Variants in MOB3B observed in about 807,000 individuals in gnomAD.
The protein encoded by MOB3B is MOB kinase activator 3B, also known as MOB kinase activator-like 2B.
In MOB3B, 7 loss-of-function variants were observed where a neutral mutation model predicts 18.7. That is an observed-to-expected ratio of 0.37 (90% CI 0.21 to 0.70). The LOEUF (loss-of-function observed/expected upper bound fraction) is 0.70, where lower values mean the gene tolerates loss of function less well. MOB3B is among the 30% of genes least tolerant of loss of function. The pLI, the probability that MOB3B is intolerant of heterozygous loss-of-function variation, is 0.52. For synonymous variants in MOB3B, 111 were observed against 99.9 expected (o/e 1.11, Z -0.66); for missense variants, 253 against 281.3 (o/e 0.90, Z 0.72).
At chr9:27,365,945 C>G (rs1821337342) in intron 2 of MOB3B, among the ~76,000 whole-genome samples, 1 of 152,188 alleles carries the variant, frequency 6.6e-6, no homozygotes, top group African/African-American at 2.4e-5. Context: ...AGGCCAGAAT[C>G]CAAACCAATC....
intron 2 of MOB3B, among the ~76,000 whole-genome samples, chr9:27,408,819 G>C (rs1490255962): frequency 6.6e-6 from 1 of 152,096 alleles, no homozygotes; most frequent in African/African-American, 2.4e-5. Context: ...CTTCCTTCCT[G>C]CTACAAAGCT....
chr9:27,498,084 T>C (rs1404148819), intron 1 of MOB3B, among the ~76,000 whole-genome samples: 1 of 152,096 alleles, frequency 6.6e-6, no homozygotes, highest in African/African-American at 2.4e-5. Context: ...CTCCCTGCAC[T>C]GTCACTTCCC....
At chr9:27,370,171 G>A (rs1323806795) in intron 2 of MOB3B, among the ~76,000 whole-genome samples, 6 of 152,046 alleles carry the variant, frequency 3.9e-5, no homozygotes, top group African/African-American at 1.4e-4. Flanking sequence ...AGGTGATTAG[G>A]TCATGAAGGC....
chr9:27,493,806 G>A (rs1587255761), intron 1 of MOB3B, among the ~76,000 whole-genome samples: 2 of 152,216 alleles, frequency 1.3e-5, no homozygotes, highest in East Asian at 3.9e-4. Flanking sequence ...TACAGCATGT[G>A]TGTTTGAGCA....
chr9:27,382,087 G>C (rs6475992), intron 2 of MOB3B, among the ~76,000 whole-genome samples: 87 of 152,024 alleles, frequency 5.7e-4, no homozygotes, highest in African/African-American at 1.9e-3. Flanking sequence ...ACATTATTTC[G>C]TCTAAGTGTC....
intron 2 of MOB3B, among the ~76,000 whole-genome samples, chr9:27,388,519 T>C (rs1441185155): frequency 6.6e-6 from 1 of 152,132 alleles, no homozygotes; most frequent in Non-Finnish European, 1.5e-5. Context: ...GTTACATGAA[T>C]AAATTCTTCA....
At chr9:27,340,383 T>C (rs1820921780) in intron 3 of MOB3B, among the ~76,000 whole-genome samples, 1 of 152,036 alleles carries the variant, frequency 6.6e-6, no homozygotes, top group Admixed American at 6.5e-5. Context: ...TGTAAACATA[T>C]TCAGCCTCCT....
intron 1 of MOB3B, among the ~76,000 whole-genome samples, chr9:27,461,232 G>A (rs576371565): frequency 6.6e-6 from 1 of 152,240 alleles, no homozygotes; most frequent in Admixed American, 6.5e-5. Context: ...ATTTTAGAGG[G>A]GTGTATGTAT....
intron 2 of MOB3B, among the ~76,000 whole-genome samples, chr9:27,391,428 A>G (rs1353983070): frequency 2.6e-5 from 4 of 152,194 alleles, no homozygotes; most frequent in Non-Finnish European, 5.9e-5. Flanking sequence ...TCCTGGATAA[A>G]CTGATTCACC....
intron 1 of MOB3B, among the ~76,000 whole-genome samples, chr9:27,465,722 T>C (rs945733650): frequency 2.0e-5 from 3 of 152,208 alleles, no homozygotes. Flanking sequence ...CAAACCTCAA[T>C]TCTTGACTTC....
At chr9:27,348,735 G>T (rs1821066267) in intron 3 of MOB3B, among the ~76,000 whole-genome samples, 1 of 152,094 alleles carries the variant, frequency 6.6e-6, no homozygotes, top group East Asian at 1.9e-4. Context: ...TACTTCTAAT[G>T]AATGGAAAGT....
At chr9:27,387,942 G>T (rs1040296822) in intron 2 of MOB3B, among the ~76,000 whole-genome samples, 1 of 151,680 alleles carries the variant, frequency 6.6e-6, no homozygotes, top group Non-Finnish European at 1.5e-5. Flanking sequence ...AAATGATTTT[G>T]CCCCCCACAG....
chr9:27,404,951 C>T (rs1301735427), intron 2 of MOB3B, among the ~76,000 whole-genome samples: 1 of 152,016 alleles, frequency 6.6e-6, no homozygotes, highest in African/African-American at 2.4e-5. Flanking sequence ...TGGATAAAAG[C>T]CATTTTAATT....
At chr9:27,426,850 T>C (rs1471482895) in intron 2 of MOB3B, among the ~76,000 whole-genome samples, 2 of 152,146 alleles carry the variant, frequency 1.3e-5, no homozygotes. Flanking sequence ...TCCACCCCCA[T>C]GTGCTTAAAA....
At chr9:27,362,408 T>C (rs1821285922) in intron 2 of MOB3B, among the ~76,000 whole-genome samples, 1 of 152,140 alleles carries the variant, frequency 6.6e-6, no homozygotes, top group Non-Finnish European at 1.5e-5. Flanking sequence ...CTTTGTAGTG[T>C]TTTTATTAGT....
At chr9:27,332,255 T>C (rs1455998532) in intron 3 of MOB3B, among the ~76,000 whole-genome samples, 1 of 152,224 alleles carries the variant, frequency 6.6e-6, no homozygotes, top group Non-Finnish European at 1.5e-5. Context: ...CCTCCCAAAG[T>C]GCTGGGATTA....
chr9:27,499,984 A>T (rs1308081638), intron 1 of MOB3B, among the ~76,000 whole-genome samples: 1 of 152,216 alleles, frequency 6.6e-6, no homozygotes, highest in Non-Finnish European at 1.5e-5. Flanking sequence ...AGTCTTATAC[A>T]AAGTCGGTCT....
intron 2 of MOB3B, among the ~76,000 whole-genome samples, chr9:27,449,225 CTGA>C (rs1822745121): frequency 6.6e-6 from 1 of 152,178 alleles, no homozygotes; most frequent in African/African-American, 2.4e-5. Context: ...GCAATGAAGA[CTGA>C]TGATTTTTAA....
chr9:27,384,396 A>T (rs1213500194), intron 2 of MOB3B, among the ~76,000 whole-genome samples: 1 of 152,144 alleles, frequency 6.6e-6, no homozygotes, highest in Non-Finnish European at 1.5e-5. Context: ...GGTTCCAGAG[A>T]TGGGACTGAG....
Sources: gnomAD v4.1 joint callset for allele counts (sites outside exome capture counted in the v4.1 genomes callset) on GRCh38, gnomAD v4.1.1 for gene constraint, MANE v1.5 for transcripts, NCBI Gene and HGNC (gene_info 2026-07-23, HGNC 2026-07-21) for gene names.